DAB1: variants seen among roughly 807,000 people sequenced by gnomAD.
DAB1 encodes DAB adaptor protein 1.
Under a neutral mutation model 64.6 loss-of-function variants are expected in DAB1, and 15 were observed. The ratio of observed to expected loss-of-function variants is 0.23; its 90% CI spans 0.16 to 0.36. DAB1 has a LOEUF of 0.36. Among genes scored for constraint, DAB1 ranks in the 10% least tolerant of loss-of-function variants. DAB1 has a pLI of 1.00. For missense variants in DAB1, 596 were observed against 706.7 expected, an observed-to-expected ratio of 0.84 and a Z score of 1.78; for synonymous variants, 235 against 251.9, an observed-to-expected ratio of 0.93 and a Z score of 0.64.
chr1:57,776,741 C>T (rs1049695639), intron 6 of DAB1, among the ~76,000 whole-genome samples: 3 of 151,752 alleles, frequency 2.0e-5, no homozygotes, highest in Non-Finnish European at 4.4e-5. Context: ...ATTTCCATTT[C>T]CCCCTTCTAT....
chr1:58,137,502 A>C (rs1477004440), intron 5 of DAB1, among the ~76,000 whole-genome samples: 2 of 151,928 alleles, frequency 1.3e-5, no homozygotes, highest in Admixed American at 1.3e-4. Context: ...TCTACCCTCC[A>C]TCTATCCATC....
At chr1:58,206,145 T>C (rs1056350715) in intron 4 of DAB1, among the ~76,000 whole-genome samples, 5 of 152,204 alleles carry the variant, frequency 3.3e-5, no homozygotes, top group Non-Finnish European at 7.3e-5. Flanking sequence ...GAGGCACGGC[T>C]TGGTTTTATA....
intron 3 of DAB1, among the ~76,000 whole-genome samples, chr1:58,393,386 G>A (rs1371668192): frequency 2.0e-5 from 3 of 152,156 alleles, no homozygotes; most frequent in African/African-American, 2.4e-5. Context: ...TGATATTCAA[G>A]CTCTTATTTA....
At chr1:58,167,299 T>G (rs547486107) in intron 4 of DAB1, among the ~76,000 whole-genome samples, 1 of 151,580 alleles carries the variant, frequency 6.6e-6, no homozygotes, top group Non-Finnish European at 1.5e-5. Flanking sequence ...TAAAGGATTG[T>G]AAATGCACCA....
At chr1:58,025,212 T>C (rs1038609932) in intron 5 of DAB1, among the ~76,000 whole-genome samples, 6 of 152,000 alleles carry the variant, frequency 3.9e-5, no homozygotes, top group Admixed American at 3.3e-4. Flanking sequence ...GCTTCAGAAA[T>C]AACTCTCTAA....
chr1:57,657,439 T>C (rs908176863), intron 6 of DAB1, among the ~76,000 whole-genome samples: 1 of 152,234 alleles, frequency 6.6e-6, no homozygotes, highest in Non-Finnish European at 1.5e-5. Flanking sequence ...TCCTGAGCTT[T>C]CTTAGCTCCC....
chr1:57,083,375 G>A (rs1015755661), intron 4 of DAB1, among the ~76,000 whole-genome samples: 10 of 152,014 alleles, frequency 6.6e-5, no homozygotes, highest in Non-Finnish European at 1.2e-4. Flanking sequence ...TTTCTGTTTC[G>A]TTCTGCATGA....
At chr1:57,214,926 AAAAAGAAAG>A (rs1169587167) in intron 2 of DAB1, among the ~76,000 whole-genome samples, 1 of 150,558 alleles carries the variant, frequency 6.6e-6, no homozygotes, top group African/African-American at 2.4e-5. Context: ...AAAAAAAAAA[AAAAAGAAAG>A]AAAAAAGGCA....
chr1:57,555,116 C>A (rs369687013), intron 7 of DAB1, among the ~76,000 whole-genome samples: 10 of 148,142 alleles, frequency 6.8e-5, no homozygotes, highest in African/African-American at 2.5e-4. Context: ...CTCACTGTAA[C>A]CTCCACCTCC....
chr1:57,850,957 C>A (rs1468301958), intron 1 of DAB1, among the ~76,000 whole-genome samples: 2 of 152,202 alleles, frequency 1.3e-5, no homozygotes. Flanking sequence ...CCACCCCCTG[C>A]AAGCCCCCCA....
intron 5 of DAB1, among the ~76,000 whole-genome samples, chr1:58,109,303 C>T (rs1651840785): frequency 1.3e-5 from 2 of 152,152 alleles, no homozygotes; most frequent in African/African-American, 2.4e-5. Context: ...AAAGAACTAA[C>T]GTGAATAGGG....
intron 5 of DAB1, among the ~76,000 whole-genome samples, chr1:57,960,154 G>C (rs1035917163): frequency 3.9e-5 from 6 of 152,168 alleles, no homozygotes. Context: ...GGCACGGGAA[G>C]CCCAGGCCGT....
At chr1:58,479,918 T>C (rs2100345344) in intron 3 of DAB1, among the ~76,000 whole-genome samples, 1 of 152,350 alleles carries the variant, frequency 6.6e-6, no homozygotes, top group African/African-American at 2.4e-5. Flanking sequence ...CAGTTCATAG[T>C]AGATTCACAA....
At chr1:57,940,936 C>T (rs1422967332) in intron 5 of DAB1, among the ~76,000 whole-genome samples, 1 of 152,126 alleles carries the variant, frequency 6.6e-6, no homozygotes, top group East Asian at 1.9e-4. Flanking sequence ...AGCAGAGATA[C>T]CTAATACAAT....
At chr1:57,323,969 C>T (rs944692724) in intron 1 of DAB1, among the ~76,000 whole-genome samples, 2 of 152,012 alleles carry the variant, frequency 1.3e-5, no homozygotes, top group Non-Finnish European at 2.9e-5. Context: ...AGCAACACAG[C>T]CCAACTTGCT....
At chr1:57,848,903 C>G (rs759779814) in intron 1 of DAB1, among the ~76,000 whole-genome samples, 1 of 152,128 alleles carries the variant, frequency 6.6e-6, no homozygotes, top group East Asian at 1.9e-4. Flanking sequence ...GAATTCCCGT[C>G]ACTCCAGGAT....
chr1:58,186,795 G>T, intron 4 of DAB1, among the ~76,000 whole-genome samples: 1 of 152,172 alleles, frequency 6.6e-6, no homozygotes, highest in East Asian at 1.9e-4. Flanking sequence ...ATTGGGCCAA[G>T]TTTCCTCCTC....
At chr1:57,314,579 G>A (rs910019502) in intron 1 of DAB1, among the ~76,000 whole-genome samples, 1 of 152,074 alleles carries the variant, frequency 6.6e-6, no homozygotes, top group African/African-American at 2.4e-5. Context: ...ATTTACCCAG[G>A]TTTCCCACAG....
At chr1:57,091,047 T>C (rs1034964003) in intron 4 of DAB1, among the ~76,000 whole-genome samples, 3 of 152,106 alleles carry the variant, frequency 2.0e-5, no homozygotes, top group Non-Finnish European at 2.9e-5. Context: ...CTATGCATTA[T>C]AGCAGTTTCA....
Sources: gnomAD v4.1 joint callset for allele counts (sites outside exome capture counted in the v4.1 genomes callset) on GRCh38, gnomAD v4.1.1 for gene constraint, MANE v1.5 for transcripts, NCBI Gene and HGNC (gene_info 2026-07-23, HGNC 2026-07-21) for gene names.